DPP10: variants seen among roughly 807,000 people sequenced by gnomAD.
DPP10 encodes inactive dipeptidyl peptidase 10.
A neutral mutation model predicts 120.9 loss-of-function variants in DPP10; 33 were observed. The observed-to-expected ratio is 0.27, with a 90% CI of 0.21 to 0.37. The LOEUF is 0.37. Ranked by LOEUF, DPP10 falls within the 10% of genes least tolerant of loss-of-function variation. DPP10 has a pLI of 1.00. For missense variants in DPP10, 816 were observed against 942.8 expected, an observed-to-expected ratio of 0.87 and a Z score of 1.76; for synonymous variants, 337 against 326.1, an observed-to-expected ratio of 1.03 and a Z score of -0.36.
intron 24 of DPP10, among the ~76,000 whole-genome samples, chr2:115,839,570 A>G (rs923854797): frequency 6.7e-6 from 1 of 149,572 alleles, no homozygotes; most frequent in African/African-American, 2.5e-5. Flanking sequence ...GCTACTCAGG[A>G]GGCTGAGGCA....
intron 3 of DPP10, among the ~76,000 whole-genome samples, chr2:115,417,437 T>A (rs1253359167): frequency 1.3e-5 from 2 of 152,194 alleles, no homozygotes; most frequent in African/African-American, 4.8e-5. Context: ...CTTATATACA[T>A]GTTGGTAATA....
At chr2:115,104,149 G>A (rs1331348392) in intron 1 of DPP10, among the ~76,000 whole-genome samples, 1 of 149,044 alleles carries the variant, frequency 6.7e-6, no homozygotes, top group Non-Finnish European at 1.5e-5. Context: ...TCAGATTTTG[G>A]AGCATGTCAA....
At chr2:115,183,184 C>T (rs1395748981) in intron 1 of DPP10, among the ~76,000 whole-genome samples, 1 of 152,074 alleles carries the variant, frequency 6.6e-6, no homozygotes, top group Non-Finnish European at 1.5e-5. Flanking sequence ...AAATTACCTA[C>T]TGCTGTAATG....
intron 2 of DPP10, among the ~76,000 whole-genome samples, chr2:115,337,112 G>A (rs1482808962): frequency 1.4e-5 from 2 of 145,428 alleles, no homozygotes; most frequent in Non-Finnish European, 3.0e-5. Context: ...TGGAATTTAA[G>A]ACATATTGTA....
At chr2:114,834,234 A>G (rs1343744399) in intron 1 of DPP10, among the ~76,000 whole-genome samples, 135 of 146,356 alleles carry the variant, frequency 9.2e-4, no homozygotes, top group Non-Finnish European at 1.3e-3. Context: ...TATAGGCCAT[A>G]TCTACACACC....
chr2:115,238,039 A>C (rs1417821999), intron 1 of DPP10, among the ~76,000 whole-genome samples: 1 of 152,198 alleles, frequency 6.6e-6, no homozygotes, highest in African/African-American at 2.4e-5. Flanking sequence ...AGTGTAGCCA[A>C]AACAGCCTTC....
At chr2:114,458,337 G>A (rs1678694054) in intron 1 of DPP10, among the ~76,000 whole-genome samples, 1 of 152,104 alleles carries the variant, frequency 6.6e-6, no homozygotes, top group Non-Finnish European at 1.5e-5. Flanking sequence ...AATCATCTCA[G>A]GGTGGGAGAA....
intron 1 of DPP10, among the ~76,000 whole-genome samples, chr2:115,134,713 G>A (rs766491663): frequency 6.6e-6 from 1 of 151,940 alleles, no homozygotes; most frequent in Non-Finnish European, 1.5e-5. Context: ...ATATCAACAG[G>A]GTCAGGGGTA....
rs1288760048 is a variant in DPP10, at chr2:115,487,316, C to T, written c.272-12194C>T. 6.6e-5 allele frequency among the ~76,000 whole-genome samples: 8 copies of T among 120,878 alleles called. No homozygotes were observed. In the South Asian group the frequency reaches 9.5e-4, roughly 14 times the overall value. 79.3% of individuals were successfully genotyped at this position (120,878 alleles called of 152,430 possible). A position where few individuals can be genotyped will look rare whatever the true frequency, so the allele number is the denominator to read the frequency against. On this transcript the variant is annotated intron_variant, in intron 3 of 25. Transcript: ENST00000410059. The stretch of plus-strand genomic sequence containing the variant: ...TGGCCATACTGCCCAAGGTAATTTA[C>T]AGATTCAATGCCATCCCCATCAAGC...
chr2:115,748,122 T>C (rs1340495458), intron 10 of DPP10, among the ~76,000 whole-genome samples: 1 of 152,066 alleles, frequency 6.6e-6, no homozygotes, highest in Non-Finnish European at 1.5e-5. Context: ...CTTTGATGTT[T>C]GTGTTGTGTT....
intron 1 of DPP10, among the ~76,000 whole-genome samples, chr2:114,497,130 C>T (rs952713888): frequency 6.7e-6 from 1 of 148,580 alleles, no homozygotes; most frequent in Non-Finnish European, 1.5e-5. Flanking sequence ...CACGTGTATA[C>T]ATGTAGGTAT....
intron 1 of DPP10, among the ~76,000 whole-genome samples, chr2:114,477,751 A>G (rs1680554904): frequency 1.1e-5 from 1 of 91,814 alleles, no homozygotes. Context: ...ATATGTACAT[A>G]AACATGTATG....
intron 1 of DPP10, among the ~76,000 whole-genome samples, chr2:114,805,630 CTTTGTTTTGT>C (rs908307089): frequency 1.3e-5 from 2 of 152,156 alleles, no homozygotes; most frequent in African/African-American, 4.8e-5. Context: ...ACCAAAAAAA[CTTTGTTTTGT>C]TTTGTTTTGT....
chr2:114,638,495 A>T (rs970623411), intron 1 of DPP10, among the ~76,000 whole-genome samples: 22 of 151,904 alleles, frequency 1.4e-4, no homozygotes, highest in African/African-American at 4.9e-4. Context: ...TAAAGAAGAC[A>T]TATAAGTGGC....
At chr2:115,520,153 C>G (rs1575079594) in intron 4 of DPP10, among the ~76,000 whole-genome samples, 1 of 152,010 alleles carries the variant, frequency 6.6e-6, no homozygotes, top group African/African-American at 2.4e-5. Flanking sequence ...CCCGTCTCTA[C>G]TAAAAATACA....
chr2:114,701,080 A>G (rs916677666), intron 1 of DPP10, among the ~76,000 whole-genome samples: 3 of 152,210 alleles, frequency 2.0e-5, no homozygotes, highest in East Asian at 3.9e-4. Context: ...CTGAAAACCT[A>G]CAGGGCAATA....
intron 3 of DPP10, among the ~76,000 whole-genome samples, chr2:115,449,080 G>C (rs2072878615): frequency 6.6e-6 from 1 of 152,034 alleles, no homozygotes. Flanking sequence ...AAGAAATGCT[G>C]AACTTTTCAG....
intron 3 of DPP10, among the ~76,000 whole-genome samples, chr2:115,495,556 A>G (rs1351609065): frequency 6.6e-6 from 1 of 152,040 alleles, no homozygotes; most frequent in Non-Finnish European, 1.5e-5. Context: ...TTAACAATGG[A>G]AAATGCTTTA....
At chr2:115,459,938 T>TATATATATACAC (rs66927327) in intron 3 of DPP10, among the ~76,000 whole-genome samples, 43 of 128,518 alleles carry the variant, frequency 3.3e-4, no homozygotes, top group African/African-American at 8.2e-4. Flanking sequence ...TATATATATA[T>TATATATATACAC]ACACACACAC....
Sources: gnomAD v4.1 joint callset for allele counts (sites outside exome capture counted in the v4.1 genomes callset) on GRCh38, gnomAD v4.1.1 for gene constraint, MANE v1.5 for transcripts, NCBI Gene and HGNC (gene_info 2026-07-23, HGNC 2026-07-21) for gene names.